HECW1: variants seen among roughly 807,000 people sequenced by gnomAD.
HECW1 encodes the protein HECT, C2 and WW domain containing E3 ubiquitin protein ligase 1.
A neutral mutation model predicts 182.3 loss-of-function variants in HECW1; 61 were observed. The observed-to-expected ratio is 0.33, with a 90% CI of 0.27 to 0.41. HECW1 has a LOEUF of 0.41. HECW1 is among the 10% of genes least tolerant of loss of function. The probability of loss-of-function intolerance (pLI) is 1.00; values close to 1 mark genes in which losing one functional copy is unlikely to be tolerated. For missense variants in HECW1, 1,739 were observed against 2,108.9 expected, an observed-to-expected ratio of 0.82 and a Z score of 3.44; for synonymous variants, 859 against 832.6, an observed-to-expected ratio of 1.03 and a Z score of -0.55.
rs553627415 is a variant in HECW1, at chr7:43,488,680, C to T, written c.3235-3395C>T. On this transcript the variant is annotated intron_variant, in intron 17 of 29. Transcript: ENST00000395891. ...AGTTCAAACAGACCCTCGGAATTTC[C>T]TCCAGCCCTGCCTGAAACTGTCTTC... is the stretch of plus-strand genomic sequence containing the variant. Among the ~76,000 whole-genome samples the T allele has an allele frequency of 2.6e-5, 4 of 152,274 alleles. No individual in the cohort carries two copies. The East Asian group carries it at 7.7e-4, about 29-fold the overall frequency.
chr7:43,390,309 C>A (rs1304874977), intron 6 of HECW1, among the ~76,000 whole-genome samples: 2 of 151,984 alleles, frequency 1.3e-5, no homozygotes, highest in African/African-American at 4.8e-5. Flanking sequence ...GAGACCAAAG[C>A]AAGAGGATCA....
At chr7:43,305,312 C>G (rs1290434372) in intron 3 of HECW1, among the ~76,000 whole-genome samples, 1 of 152,094 alleles carries the variant, frequency 6.6e-6, no homozygotes, top group Non-Finnish European at 1.5e-5. Flanking sequence ...GAAAAAAGTC[C>G]CTGTATTCTG....
intron 3 of HECW1, among the ~76,000 whole-genome samples, chr7:43,266,054 A>T (rs1399473251): frequency 6.6e-6 from 1 of 152,062 alleles, no homozygotes. Flanking sequence ...AGGGTTTTTT[A>T]TGGAGGCTGC....
intron 24 of HECW1, among the ~76,000 whole-genome samples, chr7:43,536,693 C>T (rs1353378784): frequency 2.0e-5 from 3 of 152,128 alleles, no homozygotes; most frequent in African/African-American, 7.2e-5. Flanking sequence ...GCCAGGGTGC[C>T]CAACACAGCC....
intron 2 of HECW1, among the ~76,000 whole-genome samples, chr7:43,236,559 G>T (rs984008517): frequency 6.6e-6 from 1 of 152,198 alleles, no homozygotes; most frequent in Non-Finnish European, 1.5e-5. Flanking sequence ...ACTTGAAGCA[G>T]GAACTTCCAG....
At chr7:43,371,889 G>A (rs943369790) in intron 6 of HECW1, among the ~76,000 whole-genome samples, 4 of 152,096 alleles carry the variant, frequency 2.6e-5, no homozygotes, top group Non-Finnish European at 5.9e-5. Context: ...GCACGGTCTC[G>A]GCTCACTGCA....
intron 24 of HECW1, among the ~76,000 whole-genome samples, chr7:43,514,495 G>C (rs764493862): frequency 2.0e-5 from 3 of 151,922 alleles, no homozygotes; most frequent in Non-Finnish European, 4.4e-5. Context: ...CACCATGTTG[G>C]ACAGGCTGGT....
At position 43,463,800 on chromosome 7, in the gene HECW1, G is replaced by T; in HGVS notation, c.2791+1G>T. On this transcript the variant is annotated splice_donor_variant, in intron 14 of 29. Coordinates refer to ENST00000395891, the MANE Select transcript of HECW1 (RefSeq NM_015052.5). LOFTEE classifies it high-confidence loss of function. ...GCCGAATCTTCCCAGTCCAGCTTAGGTATTGGAGGAGGGGTCCCCACAACC... is the reference window on the plus strand; with the variant it reads ...GCCGAATCTTCCCAGTCCAGCTTAGTTATTGGAGGAGGGGTCCCCACAACC... 3.1e-6 allele frequency: 5 copies of T among 1,613,594 alleles called. No individual in the cohort carries two copies. Among genetic ancestry groups the T allele is most frequent in the East Asian group, 2.2e-5 (1 of 44,864 alleles).
intron 2 of HECW1, among the ~76,000 whole-genome samples, chr7:43,162,143 G>A (rs721965): frequency 0.35 from 52,957 of 151,970 alleles, 10,717 homozygotes; most frequent in Non-Finnish European, 0.45. Context: ...ACTTTTTTTC[G>A]TTTCCTTGTG....
chr7:43,118,851 T>A (rs1330548085), intron 2 of HECW1: 1 of 152,080 alleles, frequency 6.6e-6, no homozygotes, highest in African/African-American at 2.4e-5. Flanking sequence ...GATAAGGAAA[T>A]AATTGGCATA....
chr7:43,171,581 A>G (rs541887435), intron 2 of HECW1, among the ~76,000 whole-genome samples: 2 of 152,330 alleles, frequency 1.3e-5, no homozygotes, highest in African/African-American at 2.4e-5. Flanking sequence ...AAACCATTTC[A>G]ATACAATAGG....
At chr7:43,132,917 A>C (rs1355722897) in intron 2 of HECW1, among the ~76,000 whole-genome samples, 1 of 151,972 alleles carries the variant, frequency 6.6e-6, no homozygotes, top group Non-Finnish European at 1.5e-5. Flanking sequence ...CTTGTCTTTA[A>C]TTAAGCTGGA....
chr7:43,139,636 T>G lies in HECW1; in HGVS notation c.-32+25245T>G, dbSNP rs150310306. 5.2e-3 allele frequency among the ~76,000 whole-genome samples: 794 copies of G among 152,360 alleles called. 6 individuals carry two copies. Among genetic ancestry groups the G allele is most frequent in the African/African-American group, 0.018 (754 of 41,586 alleles). On this transcript the variant is annotated intron_variant, in intron 2 of 29. Transcript: ENST00000395891. ...TCCACCTCCATTTTATTATAATACC[T>G]TCTTAATTTTTCTGCTTTTTAGTTT...
At chr7:43,538,163 T>C (rs1179768381) in intron 24 of HECW1, among the ~76,000 whole-genome samples, 1 of 152,204 alleles carries the variant, frequency 6.6e-6, no homozygotes, top group Non-Finnish European at 1.5e-5. Flanking sequence ...GGAGTCAAGT[T>C]GGTCTCTCTT....
chr7:43,411,415 G>A (rs180894852), intron 8 of HECW1, among the ~76,000 whole-genome samples: 42 of 152,102 alleles, frequency 2.8e-4, no homozygotes, highest in African/African-American at 9.2e-4. Context: ...ATGCATTTTG[G>A]TAGGCTTACC....
At chr7:43,500,575 A>G in intron 19 of HECW1, 124 bp from the exon 20 acceptor site, 1 of 793,756 alleles carries the variant, frequency 1.3e-6, no homozygotes, top group Admixed American at 2.0e-5. Flanking sequence ...TCTGCAAAAT[A>G]CATAGGACGT....
intron 2 of HECW1, among the ~76,000 whole-genome samples, chr7:43,205,320 T>A (rs1174561464): frequency 6.6e-6 from 1 of 152,140 alleles, no homozygotes; most frequent in Admixed American, 6.6e-5. Context: ...CCTGACGTCA[T>A]GATCGGCCCG....
chr7:43,294,366 TG>T (rs1194979083), intron 3 of HECW1, among the ~76,000 whole-genome samples: 1 of 151,610 alleles, frequency 6.6e-6, no homozygotes, highest in East Asian at 1.9e-4. Context: ...GCTGTTCCCA[TG>T]GGGGGAGGGG....
At position 43,492,100 on chromosome 7, in the gene HECW1, G is replaced by C. The variant is rs371345945; in HGVS notation, c.3260G>C (p.Gly1087Ala). ...GCCTCAGAAGTTTCTAGAAACAGAGGAGCCTCTTTACTGGCCAGGCCAGGA... is the reference window on the plus strand; with the variant it reads ...GCCTCAGAAGTTTCTAGAAACAGAGCAGCCTCTTTACTGGCCAGGCCAGGA... ...GEASEVSRNRGASLLARPGHS... is the reference protein window; with the variant it reads ...GEASEVSRNRAASLLARPGHS... Residue 1087 changes from glycine to alanine, a missense_variant, in exon 18 of 30, where the codon GGA (glycine) becomes GCA (alanine). Physicochemically the swap from Gly to Ala is moderately conservative, Grantham distance 60. This residue lies in a region of HECW1 where 971 missense variants were observed against 1,029.1 expected (regional missense o/e 0.94). Transcript: ENST00000395891. The C allele has an allele frequency of 1.2e-6, 2 of 1,605,214 alleles. No individual in the cohort carries two copies. The highest frequency in any genetic ancestry group is 1.7e-6 in the Non-Finnish European group (2 of 1,177,556).
Sources: gnomAD v4.1 joint callset for allele counts (sites outside exome capture counted in the v4.1 genomes callset) on GRCh38, gnomAD v4.1.1 for gene constraint, gnomAD v4.1.1 regional missense constraint, MANE v1.5 for transcripts, NCBI Gene and HGNC (gene_info 2026-07-23, HGNC 2026-07-21) for gene names.